PCNX2: variants seen among roughly 807,000 people sequenced by gnomAD.
The protein encoded by PCNX2 is pecanex 2, also known as pecanex-like protein 2.
A neutral mutation model predicts 223.8 loss-of-function variants in PCNX2; 168 were observed. The observed-to-expected ratio is 0.75, with a 90% CI of 0.66 to 0.85. The LOEUF is 0.85. PCNX2 is among the 40% of genes least tolerant of loss of function. The pLI is 0.00. For missense variants in PCNX2, 2,507 were observed against 2,675.5 expected (o/e 0.94, Z 1.39); for synonymous variants, 1,006 against 1,052.6 (o/e 0.96, Z 0.86).
In PCNX2 at chr1:232,986,087, C is replaced by G; in HGVS notation, c.6240+5G>C. 1 of 1,556,500 alleles carries G rather than the reference C, an allele frequency of 6.4e-7. No homozygotes were observed. Among genetic ancestry groups the G allele is most frequent in the Non-Finnish European group, 8.7e-7 (1 of 1,149,574 alleles). On this transcript the variant is annotated splice_donor_5th_base_variant and intron_variant, in intron 33 of 33. Transcript: ENST00000258229. ...TGTCCTGGTGAGCCCTGCCCAGCCC[C>G]TTACCCGAGTGGCCTGGCTGGCAGC...
chr1:233,301,224 T>G, the PCNX2 span, among the ~76,000 whole-genome samples: 5 of 152,182 alleles, frequency 3.3e-5, no homozygotes, highest in East Asian at 9.6e-4. Flanking sequence ...ATAGAAAACA[T>G]AAAGAAAACA....
At chr1:233,278,891 T>C (rs1661044031) in intron 1 of PCNX2, among the ~76,000 whole-genome samples, 1 of 152,344 alleles carries the variant, frequency 6.6e-6, no homozygotes, top group South Asian at 2.1e-4. Context: ...CATATCATTG[T>C]ATGATGATCT....
At chr1:233,261,528 CTG>C (rs1362883845) in intron 3 of PCNX2, among the ~76,000 whole-genome samples, 1 of 152,106 alleles carries the variant, frequency 6.6e-6, no homozygotes, top group Non-Finnish European at 1.5e-5. Flanking sequence ...ACCGAGACAA[CTG>C]TACTGTGACA....
intron 21 of PCNX2, among the ~76,000 whole-genome samples, chr1:233,111,133 C>T (rs1274035870): frequency 6.6e-6 from 1 of 152,134 alleles, no homozygotes; most frequent in African/African-American, 2.4e-5. Flanking sequence ...GAAAGTCGTA[C>T]AGAATCTTGG....
At chr1:233,204,478 T>C (rs1178295955) in intron 13 of PCNX2, among the ~76,000 whole-genome samples, 1 of 152,196 alleles carries the variant, frequency 6.6e-6, no homozygotes, top group Non-Finnish European at 1.5e-5. Context: ...TCTCCCAATG[T>C]TTTTCTTCTC....
In PCNX2 at chr1:232,984,235, G is replaced by C; in HGVS notation, c.*69C>G. ...TATTGGTTGGTTGTGGTGATTTGGG[G>C]AGCACGAGGGAGAGCAATGCAGGTG... On this transcript the variant is annotated 3_prime_UTR_variant, in exon 34 of 34. Coordinates refer to ENST00000258229, the MANE Select transcript of PCNX2 (RefSeq NM_014801.4). 1.9e-5 allele frequency: 27 copies of C among 1,431,992 alleles called. No individual in the cohort carries two copies. Among genetic ancestry groups the C allele is most frequent in the Non-Finnish European group, 2.4e-5 (26 of 1,085,810 alleles). The allele number at this position is 1,431,992 out of a possible 1,614,324, so 88.7% of individuals were successfully genotyped here. A position where few individuals can be genotyped will look rare whatever the true frequency, so the allele number is the denominator to read the frequency against.
In PCNX2 at chr1:233,016,957, T is replaced by C. The variant is rs534347022; in HGVS notation, c.4803A>G (p.Leu1601=). The change falls in exon 27 of 34, where the codon CTA becomes CTG. Residue 1601 remains leucine (L), a synonymous_variant. Transcript: ENST00000258229. ...TCCGTGCACAGTGTTGAATCCATTCTAGATAAACATTGCAGAAGCTAGCTC... is the reference window on the plus strand; with the variant it reads ...TCCGTGCACAGTGTTGAATCCATTCCAGATAAACATTGCAGAAGCTAGCTC... ...ITRASFCNVY[L]EWIQHCARKR... The C allele has an allele frequency of 4.3e-6, 7 of 1,613,322 alleles. No homozygotes were observed. The African/African-American group carries it at 8.0e-5, about 18-fold the overall frequency.
intron 10 of PCNX2, among the ~76,000 whole-genome samples, chr1:233,225,191 A>G (rs904267736): frequency 1.1e-4 from 16 of 151,636 alleles, no homozygotes; most frequent in African/African-American, 3.9e-4. Flanking sequence ...GGATTTGACA[A>G]CATCTACTTT....
At chr1:233,194,718 C>T (rs1019781580) in intron 15 of PCNX2, among the ~76,000 whole-genome samples, 1 of 151,912 alleles carries the variant, frequency 6.6e-6, no homozygotes, top group Non-Finnish European at 1.5e-5. Context: ...CAAAGCATTA[C>T]AAGAAAAGAA....
intron 12 of PCNX2, chr1:233,211,964 C>A (rs1430641311): frequency 4.7e-6 from 1 of 210,948 alleles, no homozygotes; most frequent in Non-Finnish European, 8.2e-6. Context: ...TCGGCTGTTG[C>A]CCTGTGACAT....
intron 25 of PCNX2, among the ~76,000 whole-genome samples, chr1:233,040,343 T>C (rs1234689580): frequency 6.6e-6 from 1 of 152,208 alleles, no homozygotes; most frequent in Non-Finnish European, 1.5e-5. Context: ...GATTACAGGA[T>C]TGTCTTCATC....
chr1:233,095,932 T>C, intron 21 of PCNX2, 69 bp from the exon 22 acceptor site: 1 of 1,150,904 alleles, frequency 8.7e-7, no homozygotes. Flanking sequence ...TCAAGGTCAC[T>C]TAAAGGACAT....
rs1444841443 is a variant in PCNX2 at position 233,139,033 on chromosome 1, A to G, written c.3659+681T>C. ...AACGTGACTAATGAGCAAATCTGGG[A>G]AAGAATCTCTTTTATATCCTCCTAC... On this transcript the variant is annotated intron_variant, in intron 20 of 33. Coordinates refer to ENST00000258229, the MANE Select transcript of PCNX2 (RefSeq NM_014801.4). The surrounding 1 kb of genome is among the most constrained non-coding windows in gnomAD (Gnocchi z 4.4). Among the ~76,000 whole-genome samples the G allele has an allele frequency of 4.6e-5, 7 of 152,202 alleles. No individual in the cohort carries two copies. The highest frequency in any genetic ancestry group is 1.4e-4 in the African/African-American group (6 of 41,460).
At chr1:233,049,659 G>T (rs1572046987) in intron 25 of PCNX2, among the ~76,000 whole-genome samples, 1 of 152,094 alleles carries the variant, frequency 6.6e-6, no homozygotes, top group Non-Finnish European at 1.5e-5. Context: ...AGAAAAAGAA[G>T]TCAAAATATC....
the PCNX2 span, among the ~76,000 whole-genome samples, chr1:233,304,410 A>T: frequency 1.3e-5 from 2 of 152,230 alleles, no homozygotes; most frequent in Non-Finnish European, 2.9e-5. Context: ...CGACAAAAAG[A>T]CTATGTTAAT....
At chr1:233,250,570 A>T (rs1659392967) in intron 8 of PCNX2, 169 bp downstream of exon 8, 2 of 985,222 alleles carry the variant, frequency 2.0e-6, no homozygotes, top group African/African-American at 3.5e-5. Context: ...TTTATTTTTC[A>T]TTATTTCACA....
At chr1:233,199,795 T>TACATAC (rs1491157125) in intron 14 of PCNX2, among the ~76,000 whole-genome samples, 1 of 147,868 alleles carries the variant, frequency 6.8e-6, no homozygotes, top group African/African-American at 2.5e-5. Flanking sequence ...TGTGCTCAAA[T>TACATAC]ACACACACAC....
At chr1:233,130,072 C>G (rs147272463) in intron 21 of PCNX2, among the ~76,000 whole-genome samples, 2 of 152,128 alleles carry the variant, frequency 1.3e-5, no homozygotes, top group African/African-American at 4.8e-5. Flanking sequence ...CAACTCCAGA[C>G]ACGCTGCCTT....
At chr1:233,106,160 A>C (rs1674760320) in intron 21 of PCNX2, among the ~76,000 whole-genome samples, 1 of 152,038 alleles carries the variant, frequency 6.6e-6, no homozygotes, top group African/African-American at 2.4e-5. Context: ...TAGAAACAAC[A>C]CAGTTTATGC....
Sources: gnomAD v4.1 joint callset for allele counts (sites outside exome capture counted in the v4.1 genomes callset) on GRCh38, gnomAD v4.1.1 for gene constraint, Gnocchi (gnomAD v3.1) non-coding constraint, MANE v1.5 for transcripts, NCBI Gene and HGNC (gene_info 2026-07-23, HGNC 2026-07-21) for gene names.